The following ATP10D variants were observed in gnomAD, a reference collection of about 807,000 sequenced individuals.
The protein encoded by ATP10D is ATPase phospholipid transporting 10D (putative).
A neutral mutation model predicts 144.8 loss-of-function variants in ATP10D; 89 were observed. The observed-to-expected ratio is 0.61, with a 90% confidence interval of 0.52 to 0.73. ATP10D has a LOEUF of 0.73. Among genes scored for constraint, ATP10D ranks in the 30% least tolerant of loss-of-function variants. The probability of loss-of-function intolerance (pLI) is 0.00; values close to 1 mark genes in which losing one functional copy is unlikely to be tolerated. For missense variants in ATP10D, 1,603 were observed against 1,714.8 expected, an observed-to-expected ratio of 0.93 and a Z score of 1.15; for synonymous variants, 571 against 615.1, an observed-to-expected ratio of 0.93 and a Z score of 1.06.
Position 47,591,987 on chromosome 4 carries a change from T to C in ATP10D, c.*606T>C, listed in dbSNP as rs916150818. 6.6e-6 allele frequency: 1 copy of C among 152,168 alleles called. No individual in the cohort carries two copies. Among genetic ancestry groups the C allele is most frequent in the Non-Finnish European group, 1.5e-5 (1 of 68,018 alleles). The allele number at this position is 152,168 out of a possible 1,614,324, so 9.4% of individuals were successfully genotyped here. ...ATGCTTTTGGTCTTCTGGCTGAAGA[T>C]GTAGGCATACCTCTCACTCATTTCA... On this transcript the variant is annotated 3_prime_UTR_variant, in exon 23 of 23. Transcript: ENST00000273859.
At chr4:47,513,844 G>A (rs990735296) in intron 2 of ATP10D, among the ~76,000 whole-genome samples, 1 of 152,186 alleles carries the variant, frequency 6.6e-6, no homozygotes, top group African/African-American at 2.4e-5. Context: ...TAGATGAAAA[G>A]ACTTAGAGAT....
chr4:47,552,087 A>G (rs1474002153), intron 10 of ATP10D, among the ~76,000 whole-genome samples: 3 of 151,806 alleles, frequency 2.0e-5, no homozygotes, highest in Non-Finnish European at 1.5e-5. Flanking sequence ...GACTTTCTAG[A>G]TTTTTCCCAC....
intron 11 of ATP10D, among the ~76,000 whole-genome samples, chr4:47,556,399 A>G (rs550767991): frequency 4.6e-5 from 7 of 152,370 alleles, no homozygotes; most frequent in Non-Finnish European, 1.0e-4. Context: ...GCAGTTACAG[A>G]ATAAAGGCTG....
intron 11 of ATP10D, among the ~76,000 whole-genome samples, chr4:47,555,157 G>A (rs1718916735): frequency 6.6e-6 from 1 of 152,200 alleles, no homozygotes; most frequent in Non-Finnish European, 1.5e-5. Context: ...ACAGCAGGAG[G>A]GGAGGAGAGG....
Position 47,523,088 on chromosome 4 carries a change from G to T in ATP10D, c.562G>T (p.Val188Phe). ...GDFIRLSCNE[V>F]IPADMVLLFS... ...CTTTATTCGCCTCTCCTGCAACGAG[G>T]TCATCCCTGCAGACATGGTACTACT... The change falls in exon 4 of 23, where the codon GTC becomes TTC. Residue 188 changes from valine to phenylalanine, a missense_variant. By Grantham distance (50) the Val-to-Phe change is conservative (BLOSUM62 -1). Transcript: ENST00000273859. 6.2e-7 allele frequency: 1 copy of T among 1,613,914 alleles called. No homozygotes were observed. Among genetic ancestry groups the T allele is most frequent in the Non-Finnish European group, 8.5e-7 (1 of 1,179,974 alleles).
At chr4:47,537,204 A>T (rs1446114693) in intron 9 of ATP10D, among the ~76,000 whole-genome samples, 1 of 152,150 alleles carries the variant, frequency 6.6e-6, no homozygotes, top group African/African-American at 2.4e-5. Flanking sequence ...TGACAATGAT[A>T]CTGTACTATA....
At position 47,578,875 on chromosome 4, in the gene ATP10D, AG is replaced by A. The variant is rs1448949020; in HGVS notation, c.3568-1522del. On this transcript the variant is annotated intron_variant, in intron 19 of 22. Coordinates refer to ENST00000273859, the MANE Select transcript of ATP10D (RefSeq NM_020453.4). The stretch of plus-strand genomic sequence containing the variant: ...AAAAAGGATAGATGTAAAAATTCCA[AG>A]TATATTATTCTAAAGAATGGAAGAA... Among the ~76,000 whole-genome samples, 4 of 152,344 alleles carry A rather than the reference AG, an allele frequency of 2.6e-5. No individual in the cohort carries two copies. In the East Asian group the frequency reaches 7.7e-4, roughly 29 times the overall value.
At chr4:47,525,135 A>G (rs894942271) in intron 4 of ATP10D, among the ~76,000 whole-genome samples, 1 of 152,224 alleles carries the variant, frequency 6.6e-6, no homozygotes, top group Admixed American at 6.5e-5. Flanking sequence ...TGTTTTATTT[A>G]TAAAATTTGG....
rs779635673 is a variant in ATP10D at position 47,557,762 on chromosome 4, G to A, written c.1923G>A (p.Ser641=). 1.9e-5 allele frequency: 30 copies of A among 1,614,058 alleles called. No homozygotes were observed. The highest frequency in any genetic ancestry group is 4.0e-5 in the African/African-American group (3 of 74,914). ...RWSVRRSSSP[S]LNSGKEPSSG... ...CTGTCCGAAGATCAAGTTCTCCATC[G>A]CTTAACAGTGGGAAAGAGCCATCTT... Residue 641 remains serine, a synonymous_variant, in exon 12 of 23, where the codon TCG becomes TCA. Coordinates refer to ENST00000273859, the MANE Select transcript of ATP10D (RefSeq NM_020453.4).
chr4:47,515,682 G>A lies in ATP10D; in HGVS notation c.485+12G>A. 6.4e-7 allele frequency: 1 copy of A among 1,564,438 alleles called. No individual in the cohort carries two copies. The highest frequency in any genetic ancestry group is 8.8e-7 in the Non-Finnish European group (1 of 1,137,266). Reference sequence around the variant, plus strand: ...AAAGTTTATAGTAGGTAAGTGTAATGGGACCTTTGCTAAGGACTATGTATG... The same window carrying A: ...AAAGTTTATAGTAGGTAAGTGTAATAGGACCTTTGCTAAGGACTATGTATG... On this transcript the variant is annotated intron_variant, in intron 3 of 22. Coordinates refer to ENST00000273859, the MANE Select transcript of ATP10D (RefSeq NM_020453.4).
At chr4:47,516,575 C>T (rs1164827024) in intron 3 of ATP10D, among the ~76,000 whole-genome samples, 1 of 152,192 alleles carries the variant, frequency 6.6e-6, no homozygotes, top group Admixed American at 6.5e-5. Flanking sequence ...TTAGGAAAGG[C>T]TTCTCTGAAG....
intron 1 of ATP10D, among the ~76,000 whole-genome samples, chr4:47,509,943 GGTGTGTGTGT>G (rs67386792): frequency 0.021 from 3,003 of 143,782 alleles, 25 homozygotes; most frequent in Non-Finnish European, 0.031. Flanking sequence ...TTGTTTCAGG[GGTGTGTGTGT>G]GTGTGTGTGT....
chr4:47,499,591 C>T (rs913526129), intron 1 of ATP10D, among the ~76,000 whole-genome samples: 3 of 151,974 alleles, frequency 2.0e-5, no homozygotes, highest in African/African-American at 7.3e-5. Flanking sequence ...CTTTGAAGAC[C>T]CTGAAGGCAT....
intron 1 of ATP10D, among the ~76,000 whole-genome samples, chr4:47,510,507 A>G (rs1287029635): frequency 2.0e-5 from 3 of 152,226 alleles, no homozygotes; most frequent in Non-Finnish European, 4.4e-5. Flanking sequence ...TTTTGCAATG[A>G]AATGTTTTGC....
In ATP10D at chr4:47,536,502, C is replaced by T; in HGVS notation, c.1081C>T (p.His361Tyr). ...TTTCAATGTTCCCGAGCCTGATGGA[C>T]ATATCATATCACCACTGTTGGCAGG... is the stretch of plus-strand genomic sequence containing the variant. Reference protein sequence around the residue: ...HFFNVPEPDGHIISPLLAGFY... With the variant: ...HFFNVPEPDGYIISPLLAGFY... The change falls in exon 8 of 23, where the codon CAT (histidine) becomes TAT (tyrosine). Residue 361 changes from histidine to tyrosine, a missense_variant. His to Tyr is a moderately conservative substitution (Grantham distance 83). Transcript: ENST00000273859. The T allele has an allele frequency of 6.2e-7, 1 of 1,613,458 alleles. No individual in the cohort carries two copies. The highest frequency in any genetic ancestry group is 8.5e-7 in the Non-Finnish European group (1 of 1,179,514).
chr4:47,495,873 G>A (rs541623351), intron 1 of ATP10D, among the ~76,000 whole-genome samples: 68 of 152,162 alleles, frequency 4.5e-4, no homozygotes, highest in Admixed American at 2.0e-3. Context: ...CAGCAGCTGG[G>A]ATTACCGGCA....
rs1368400035 is a variant in ATP10D, at chr4:47,546,787, C to G, written c.1560C>G (p.Ser520Arg). 1 of 1,613,800 alleles carries G rather than the reference C, an allele frequency of 6.2e-7. No homozygotes were observed. Among genetic ancestry groups the G allele is most frequent in the South Asian group, 1.1e-5 (1 of 91,058 alleles). ...AGCCCTCAAATCATCTTGCTGGGAGCTCTTTTACTCTAGGAAGTGGAGAAG... is the reference window on the plus strand; with the variant it reads ...AGCCCTCAAATCATCTTGCTGGGAGGTCTTTTACTCTAGGAAGTGGAGAAG... Reference protein sequence around the residue: ...GNKPSNHLAGSSFTLGSGEGA... With the variant: ...GNKPSNHLAGRSFTLGSGEGA... The change falls in exon 10 of 23, where the codon AGC becomes AGG. Residue 520 changes from serine to arginine, a missense_variant. Physicochemically the swap from Ser to Arg is moderately radical, Grantham distance 110. Coordinates refer to ENST00000273859, the MANE Select transcript of ATP10D (RefSeq NM_020453.4).
chr4:47,554,556 C>T (rs1460978340), intron 10 of ATP10D, among the ~76,000 whole-genome samples, 170 bp from the exon 11 acceptor site: 1 of 152,062 alleles, frequency 6.6e-6, no homozygotes, highest in Non-Finnish European at 1.5e-5. Context: ...TTTTATTTTC[C>T]TATTCTCACT....
In ATP10D at chr4:47,581,393, C is replaced by T. The variant is rs367640874; in HGVS notation, c.3649-567C>T. ...CAGTATTAAGAATGAAAAAGATGAT[C>T]ATTTCTAAATTGACAATTTTTATTC... is the stretch of plus-strand genomic sequence containing the variant. On this transcript the variant is annotated intron_variant, in intron 20 of 22. Transcript: ENST00000273859. Among the ~76,000 whole-genome samples the T allele has an allele frequency of 7.2e-5, 11 of 152,294 alleles. No individual in the cohort carries two copies. In the East Asian group the frequency reaches 7.7e-4, roughly 11 times the overall value.
Sources: gnomAD v4.1 joint callset for allele counts (sites outside exome capture counted in the v4.1 genomes callset) on GRCh38, gnomAD v4.1.1 for gene constraint, MANE v1.5 for transcripts, NCBI Gene and HGNC (gene_info 2026-07-23, HGNC 2026-07-21) for gene names.